Variants in MEGF10 observed in about 807,000 individuals in gnomAD.
MEGF10 encodes the protein multiple EGF like domains 10, also known as multiple epidermal growth factor-like domains protein 10.
A neutral mutation model predicts 147.5 loss-of-function variants in MEGF10; 86 were observed. The observed-to-expected ratio is 0.58, with a 90% CI of 0.49 to 0.70. MEGF10 has a LOEUF of 0.70. Among genes scored for constraint, MEGF10 ranks in the 30% least tolerant of loss-of-function variants. The probability of loss-of-function intolerance (pLI) is 0.00; values close to 1 mark genes in which losing one functional copy is unlikely to be tolerated. For synonymous variants in MEGF10, 478 were observed against 525.5 expected, an observed-to-expected ratio of 0.91 and a Z score of 1.24; for missense variants, 1,329 against 1,487.3, an observed-to-expected ratio of 0.89 and a Z score of 1.75.
rs6595768 is a variant in MEGF10 at position 127,398,603 on chromosome 5, C to T, written c.660-73C>T. 0.12 allele frequency: 196,622 copies of T among 1,584,402 alleles called. 12,904 individuals are homozygous for T. Among genetic ancestry groups the T allele is most frequent in the Non-Finnish European group, 0.14 (156,524 of 1,157,800 alleles). On this transcript the variant is annotated intron_variant, in intron 6 of 24. Transcript: ENST00000503335. ...CAGAAAGCTTGTCTATTTTGGGGAC[C>T]CTGGGTACAGTGAACCCGAGGGTCA...
chr5:127,315,811 C>G (rs139023407), intron 1 of MEGF10, among the ~76,000 whole-genome samples: 2 of 152,106 alleles, frequency 1.3e-5, no homozygotes, highest in East Asian at 3.9e-4. Context: ...CTTTTTCTTT[C>G]TGTCTATATT....
chr5:127,361,747 TTC>T (rs1448238130), intron 4 of MEGF10, among the ~76,000 whole-genome samples: 13 of 152,280 alleles, frequency 8.5e-5, no homozygotes, highest in Middle Eastern at 3.4e-3. Flanking sequence ...TTAAAATACT[TTC>T]TGATTAATAT....
chr5:127,359,035 A>G (rs542917560), intron 4 of MEGF10, among the ~76,000 whole-genome samples: 1 of 151,174 alleles, frequency 6.6e-6, no homozygotes, highest in Admixed American at 6.6e-5. Flanking sequence ...ATTACAACAG[A>G]CTATTTCAAC....
At chr5:127,278,880 G>A in the MEGF10 span, among the ~76,000 whole-genome samples, 3 of 152,370 alleles carry the variant, frequency 2.0e-5, no homozygotes, top group African/African-American at 7.2e-5. Flanking sequence ...GGAAGAGCAA[G>A]TGAACTAAGG....
chr5:127,351,151 AT>A (rs978695377), intron 4 of MEGF10, among the ~76,000 whole-genome samples: 2 of 152,072 alleles, frequency 1.3e-5, no homozygotes, highest in African/African-American at 4.8e-5. Flanking sequence ...AGTAAATTGG[AT>A]TTTTTGTTGT....
intron 8 of MEGF10, among the ~76,000 whole-genome samples, chr5:127,405,901 C>T (rs900290568): frequency 6.6e-6 from 1 of 151,932 alleles, no homozygotes; most frequent in Non-Finnish European, 1.5e-5. Context: ...TTATTGACAT[C>T]CTTAGTACAC....
At chr5:127,371,528 G>A (rs1422319) in intron 5 of MEGF10, among the ~76,000 whole-genome samples, 2,111 of 152,248 alleles carry the variant, frequency 0.014, 34 homozygotes, top group African/African-American at 0.037. Flanking sequence ...AAGAGTGGGC[G>A]TATTAGTCAT....
At chr5:127,409,859 T>C (rs947472766) in intron 8 of MEGF10, 1 of 157,556 alleles carries the variant, frequency 6.3e-6, no homozygotes, top group South Asian at 1.9e-4. Flanking sequence ...ACTTTCTAAC[T>C]GAGGAGGAAT....
chr5:127,443,003 C>T lies in MEGF10; in HGVS notation c.2368C>T (p.Pro790Ser), dbSNP rs754088683. 2 of 1,610,950 alleles carry T rather than the reference C, an allele frequency of 1.2e-6. No individual in the cohort carries two copies. Among genetic ancestry groups the T allele is most frequent in the Non-Finnish European group, 1.7e-6 (2 of 1,178,502 alleles). The change falls in exon 19 of 25, where the codon CCT (proline) becomes TCT (serine). Residue 790 changes from proline (P) to serine (S), a missense_variant. Pro to Ser is a moderately conservative substitution (Grantham distance 74). Around this residue, in one of 3 missense-constraint regions of MEGF10, gnomAD observed 980 missense variants for 1,085.9 expected, o/e 0.90. Transcript: ENST00000503335. The part of the protein sequence containing the change: ...FMGRHCEQKC[P>S]SGTYGYGCRQ... ...ATTTGACTTTCCTTCTCTAGAGTGC[C>T]CTTCAGGAACATATGGCTATGGCTG... is the stretch of plus-strand genomic sequence containing the variant.
At chr5:127,331,591 G>A (rs551884738) in intron 2 of MEGF10, among the ~76,000 whole-genome samples, 167 bp downstream of exon 2, 1 of 152,214 alleles carries the variant, frequency 6.6e-6, no homozygotes, top group Non-Finnish European at 1.5e-5. Flanking sequence ...TAGTCACCTT[G>A]GTCTTATAGC....
chr5:127,256,870 T>C, the MEGF10 span, among the ~76,000 whole-genome samples: 1 of 152,112 alleles, frequency 6.6e-6, no homozygotes, highest in Non-Finnish European at 1.5e-5. Context: ...GAAAAAGCCA[T>C]ACAAAATTTA....
chr5:127,455,330 G>C lies in MEGF10; in HGVS notation c.3026-71G>C, dbSNP rs1766318227. 3.1e-6 allele frequency: 4 copies of C among 1,309,316 alleles called. No individual in the cohort carries two copies. In the South Asian group the frequency reaches 5.2e-5, roughly 17 times the overall value. 81.1% of individuals were successfully genotyped at this position (1,309,316 alleles called of 1,614,324 possible). A position where few individuals can be genotyped will look rare whatever the true frequency, so the allele number is the denominator to read the frequency against. Reference sequence around the variant, plus strand: ...GGAAACCTAGCTATAAAGAAAAACAGTAAAATATCACCAAGAAATGATGTT... The same window carrying C: ...GGAAACCTAGCTATAAAGAAAAACACTAAAATATCACCAAGAAATGATGTT... On this transcript the variant is annotated intron_variant, in intron 23 of 24. Transcript: ENST00000503335.
chr5:127,411,493 G>T (rs547219603), intron 9 of MEGF10, among the ~76,000 whole-genome samples: 1 of 152,152 alleles, frequency 6.6e-6, no homozygotes, highest in Admixed American at 6.6e-5. Context: ...AAACAAAAGC[G>T]TGTGGTTGGT....
upstream of MEGF10, among the ~76,000 whole-genome samples, chr5:127,289,980 G>A (rs1302033230): frequency 6.6e-6 from 1 of 152,186 alleles, no homozygotes; most frequent in Middle Eastern, 3.2e-3. Context: ...TAGTCTGGAA[G>A]AGGAAGATGG....
chr5:127,371,937 C>G (rs1270515134), intron 5 of MEGF10, among the ~76,000 whole-genome samples: 1 of 152,118 alleles, frequency 6.6e-6, no homozygotes, highest in African/African-American at 2.4e-5. Flanking sequence ...ATCTTTGATA[C>G]CTTTTTAAGC....
At chr5:127,262,211 C>G in the MEGF10 span, among the ~76,000 whole-genome samples, 205 of 152,230 alleles carry the variant, frequency 1.3e-3, 2 homozygotes, top group East Asian at 0.037. Flanking sequence ...GATTTACTCT[C>G]TATGTTATCT....
chr5:127,298,869 G>A (rs1759637751), intron 1 of MEGF10, among the ~76,000 whole-genome samples: 1 of 152,196 alleles, frequency 6.6e-6, no homozygotes, highest in African/African-American at 2.4e-5. Context: ...GTCCAACTGA[G>A]CTTGGTAGCC....
At chr5:127,253,485 A>T in the MEGF10 span, among the ~76,000 whole-genome samples, 9,570 of 152,086 alleles carry the variant, frequency 0.063, 369 homozygotes, top group African/African-American at 0.1. Flanking sequence ...AAGAAATGTC[A>T]TATACATTGG....
At chr5:127,450,859 A>G (rs1436305656) in intron 22 of MEGF10, among the ~76,000 whole-genome samples, 1 of 152,024 alleles carries the variant, frequency 6.6e-6, no homozygotes, top group Non-Finnish European at 1.5e-5. Flanking sequence ...TCTGGATTCA[A>G]GTGATTCTCC....
Sources: allele counts gnomAD v4.1 joint callset (sites outside exome capture counted in the v4.1 genomes callset), GRCh38; gene constraint gnomAD v4.1.1; regional missense constraint gnomAD v4.1.1; transcripts MANE v1.5; gene names NCBI Gene and HGNC (gene_info 2026-07-23, HGNC 2026-07-21).